COTL1: variants seen among roughly 807,000 people sequenced by gnomAD.
COTL1 encodes the protein coactosin-like protein.
COTL1 carries 15 observed loss-of-function variants against 16.5 expected under a neutral mutation model. That is an observed-to-expected ratio of 0.91 (90% CI 0.61 to 1.40). COTL1 has a LOEUF of 1.40. Among genes scored for constraint, COTL1 ranks in the 40% most tolerant of loss-of-function variants. The pLI is 0.00. For missense variants in COTL1, 220 were observed against 201.5 expected, an observed-to-expected ratio of 1.09 and a Z score of -0.56; for synonymous variants, 112 against 85.3, an observed-to-expected ratio of 1.31 and a Z score of -1.73.
At chr16:84,575,466 TC>T (rs1904431990) in intron 3 of COTL1, 1 of 152,170 alleles carries the variant, frequency 6.6e-6, no homozygotes, top group East Asian at 1.9e-4. Flanking sequence ...CAAGCAATTC[TC>T]CTGCCTCAGC....
chr16:84,604,901 G>C (rs912476745), intron 2 of COTL1, among the ~76,000 whole-genome samples: 2 of 152,248 alleles, frequency 1.3e-5, no homozygotes, highest in Non-Finnish European at 2.9e-5. Flanking sequence ...ATTCTAGCCA[G>C]AAACGGGGAG....
intron 2 of COTL1, among the ~76,000 whole-genome samples, chr16:84,607,928 C>T (rs1905246357): frequency 1.3e-5 from 2 of 152,146 alleles, no homozygotes; most frequent in Non-Finnish European, 2.9e-5. Context: ...GCAGAAGCAG[C>T]AGCAGAAGGA....
chr16:84,599,264 T>C (rs962317668), intron 2 of COTL1, among the ~76,000 whole-genome samples: 10 of 152,208 alleles, frequency 6.6e-5, no homozygotes, highest in Non-Finnish European at 1.5e-4. Context: ...CCAAAGCCAG[T>C]CCTGGCTGGA....
At position 84,591,222 on chromosome 16, in the gene COTL1, C is replaced by T. The variant is rs547811251; in HGVS notation, c.161-960G>A. The stretch of plus-strand genomic sequence containing the variant: ...TTTTTGAGACAGAGTCTCGCTCTGT[C>T]GCCCAGGCTGAAGTGCAGTGGCGCG... On this transcript the variant is annotated intron_variant, in intron 2 of 3. Coordinates refer to ENST00000262428, the MANE Select transcript of COTL1 (RefSeq NM_021149.5). Among the ~76,000 whole-genome samples, 232 of 146,004 alleles carry T rather than the reference C, an allele frequency of 1.6e-3. 2 individuals are homozygous for T. The highest frequency in any genetic ancestry group is 7.2e-3 in the Middle Eastern group (2 of 276).
intron 2 of COTL1, chr16:84,595,636 G>A (rs574204098): frequency 1.3e-5 from 2 of 152,272 alleles, no homozygotes; most frequent in South Asian, 2.1e-4. Flanking sequence ...CGTCTATGTC[G>A]GGCTATTGTC....
chr16:84,586,212 G>T (rs766367012), intron 3 of COTL1, among the ~76,000 whole-genome samples: 1 of 152,090 alleles, frequency 6.6e-6, no homozygotes, highest in Non-Finnish European at 1.5e-5. Context: ...AATACTGCAT[G>T]AGCCCTCGAT....
chr16:84,587,771 A>ATTAT (rs112094914), intron 3 of COTL1, among the ~76,000 whole-genome samples: 15,885 of 151,296 alleles, frequency 0.1, 972 homozygotes, highest in South Asian at 0.25. Context: ...ATGTCCTATC[A>ATTAT]TTATTTATTT....
At chr16:84,613,406 A>G (rs1905383990) in intron 2 of COTL1, among the ~76,000 whole-genome samples, 1 of 152,214 alleles carries the variant, frequency 6.6e-6, no homozygotes, top group Admixed American at 6.5e-5. Flanking sequence ...GGGAAGAGGA[A>G]TACCGCATGG....
chr16:84,567,103 A>G, intron 3 of COTL1, 148 bp from the exon 4 acceptor site: 2 of 616,886 alleles, frequency 3.2e-6, no homozygotes. Context: ...CAGTCAATGG[A>G]AATTCAGCAG....
chr16:84,591,823 CAAATA>C lies in COTL1; in HGVS notation c.161-1566_161-1562del, dbSNP rs11273175. Among the ~76,000 whole-genome samples, 886 of 120,642 alleles carry C rather than the reference CAAATA, an allele frequency of 7.3e-3. 7 individuals carry two copies. Among genetic ancestry groups the C allele is most frequent in the South Asian group, 0.03 (101 of 3,324 alleles). 79.1% of individuals were successfully genotyped at this position (120,642 alleles called of 152,430 possible). On this transcript the variant is annotated intron_variant, in intron 2 of 3. Coordinates refer to ENST00000262428, the MANE Select transcript of COTL1 (RefSeq NM_021149.5). ...TGGGTGGCCAACTGAGACCCTGTCT[CAAATA>C]AAATAAAATAAAATAAAATAAAATA...
chr16:84,617,009 CTT>C (rs1377319526), intron 2 of COTL1, among the ~76,000 whole-genome samples: 1 of 152,204 alleles, frequency 6.6e-6, no homozygotes, highest in Non-Finnish European at 1.5e-5. Flanking sequence ...GGTGTGTACT[CTT>C]TTGCATCTGA....
intron 2 of COTL1, among the ~76,000 whole-genome samples, chr16:84,601,340 A>G (rs1186244459): frequency 1.3e-5 from 2 of 152,240 alleles, no homozygotes; most frequent in African/African-American, 4.8e-5. Flanking sequence ...AATTACTGCT[A>G]TGGCAAAGAG....
chr16:84,570,412 C>G (rs1904320384), intron 3 of COTL1, among the ~76,000 whole-genome samples: 2 of 151,530 alleles, frequency 1.3e-5, no homozygotes, highest in South Asian at 4.2e-4. Flanking sequence ...AAACAGACAG[C>G]AGATCTAGTA....
chr16:84,602,411 T>TAA (rs55955741), intron 2 of COTL1, among the ~76,000 whole-genome samples: 37,318 of 144,210 alleles, frequency 0.26, 5,020 homozygotes, highest in East Asian at 0.43. Context: ...TTCTTTTAAT[T>TAA]AAAAAAAAAA....
At chr16:84,576,350 A>G (rs1055963472) in intron 3 of COTL1, 1 of 152,256 alleles carries the variant, frequency 6.6e-6, no homozygotes, top group Non-Finnish European at 1.5e-5. Flanking sequence ...CCATTTGTGA[A>G]GTCAGGAATG....
intron 2 of COTL1, among the ~76,000 whole-genome samples, chr16:84,602,444 C>G (rs946911659): frequency 6.6e-6 from 1 of 151,376 alleles, no homozygotes; most frequent in Non-Finnish European, 1.5e-5. Flanking sequence ...AATTCTTTGT[C>G]AGGATTTTTA....
chr16:84,593,515 C>CTTTT (rs11421532), intron 2 of COTL1, among the ~76,000 whole-genome samples: 1 of 139,618 alleles, frequency 7.2e-6, no homozygotes. Context: ...ATTTTAACCA[C>CTTTT]TTTTTTTTTT....
At chr16:84,609,338 A>AGGTAGGG (rs1395661396) in intron 2 of COTL1, among the ~76,000 whole-genome samples, 2 of 152,176 alleles carry the variant, frequency 1.3e-5, no homozygotes, top group African/African-American at 4.8e-5. Context: ...TCTGTCATCC[A>AGGTAGGG]GGTAGGGCTG....
intron 2 of COTL1, among the ~76,000 whole-genome samples, chr16:84,613,237 T>C (rs1199360630): frequency 6.6e-6 from 1 of 152,060 alleles, no homozygotes. Context: ...TGACCTCAAG[T>C]GATCCACCTG....
Sources: gnomAD v4.1 joint callset for allele counts (sites outside exome capture counted in the v4.1 genomes callset) on GRCh38, gnomAD v4.1.1 for gene constraint, MANE v1.5 for transcripts, NCBI Gene and HGNC (gene_info 2026-07-23, HGNC 2026-07-21) for gene names.